Variants in CDC5L observed in about 807,000 individuals in gnomAD.
CDC5L encodes cell division cycle 5-like protein.
CDC5L carries 18 observed loss-of-function variants against 104.1 expected under a neutral mutation model. The ratio of observed to expected loss-of-function variants is 0.17; its 90% CI spans 0.12 to 0.26. The LOEUF (loss-of-function observed/expected upper bound fraction) is 0.26. Among genes scored for constraint, CDC5L ranks in the 10% least tolerant of loss-of-function variants. The pLI is 1.00. For synonymous variants in CDC5L, 331 were observed against 322.7 expected (o/e 1.03, Z -0.28); for missense variants, 673 against 956.9 (o/e 0.70, Z 3.91).
chr6:44,393,335 C>A, intron 3 of CDC5L, 111 bp from the exon 4 acceptor site: 2 of 920,058 alleles, frequency 2.2e-6, no homozygotes, highest in Non-Finnish European at 3.3e-6. Context: ...GTTGTTAAAG[C>A]CCATCCATTG....
At chr6:44,424,098 AT>A (rs1318160088) in intron 10 of CDC5L, among the ~76,000 whole-genome samples, 5 of 151,666 alleles carry the variant, frequency 3.3e-5, no homozygotes, top group Admixed American at 6.6e-5. Context: ...TATTAGGCTG[AT>A]TTTTTTTGAG....
intron 5 of CDC5L, among the ~76,000 whole-genome samples, chr6:44,400,384 G>C (rs759315399): frequency 6.6e-6 from 1 of 152,086 alleles, no homozygotes; most frequent in Admixed American, 6.5e-5. Context: ...TTGATGACTG[G>C]TTTATTTTAT....
Position 44,441,750 on chromosome 6 carries a change from G to C in CDC5L, c.2092-3905G>C, listed in dbSNP as rs367956023. 5.3e-5 allele frequency among the ~76,000 whole-genome samples: 8 copies of C among 152,042 alleles called. No homozygotes were observed. In the East Asian group the frequency reaches 9.7e-4, roughly 18 times the overall value. On this transcript the variant is annotated intron_variant, in intron 14 of 15. Transcript: ENST00000371477. ...TTTTTCATGTACCTGTTGACCACTT[G>C]TATGTCGTCTTTTGAGAAATGTCTA...
intron 4 of CDC5L, among the ~76,000 whole-genome samples, chr6:44,396,056 A>G (rs1790855220): frequency 1.3e-5 from 2 of 152,196 alleles, no homozygotes; most frequent in South Asian, 4.1e-4. Context: ...GCCCTTCTCA[A>G]AATCCTTGTG....
chr6:44,399,011 G>GCTTT (rs1462379813), intron 5 of CDC5L, among the ~76,000 whole-genome samples: 2 of 152,144 alleles, frequency 1.3e-5, no homozygotes, highest in Non-Finnish European at 2.9e-5. Context: ...TGTTGCCTAG[G>GCTTT]CTTTAGTGCA....
chr6:44,415,943 C>T (rs1791887726), intron 8 of CDC5L, among the ~76,000 whole-genome samples: 1 of 152,166 alleles, frequency 6.6e-6, no homozygotes, highest in East Asian at 1.9e-4. Context: ...TTAGTCTAGT[C>T]TGTGACATAT....
At chr6:44,414,653 A>G (rs1455062439) in intron 8 of CDC5L, among the ~76,000 whole-genome samples, 1 of 152,034 alleles carries the variant, frequency 6.6e-6, no homozygotes, top group Non-Finnish European at 1.5e-5. Context: ...TTATAATTGT[A>G]AGAGTTCTTT....
intron 13 of CDC5L, among the ~76,000 whole-genome samples, chr6:44,426,968 G>GT (rs2153381856): frequency 6.6e-6 from 1 of 152,224 alleles, no homozygotes; most frequent in African/African-American, 2.4e-5. Context: ...TGGTTCATGG[G>GT]TATTAATGGC....
At chr6:44,435,122 T>C (rs1356630031) in intron 14 of CDC5L, among the ~76,000 whole-genome samples, 6 of 149,642 alleles carry the variant, frequency 4.0e-5, no homozygotes, top group Non-Finnish European at 8.9e-5. Flanking sequence ...TTTTTTTTTT[T>C]TTTAAATGTT....
intron 14 of CDC5L, among the ~76,000 whole-genome samples, chr6:44,438,884 C>T (rs1169146081): frequency 6.6e-6 from 1 of 151,616 alleles, no homozygotes; most frequent in Non-Finnish European, 1.5e-5. Flanking sequence ...AAATTACATA[C>T]CATAAAGTTA....
At chr6:44,443,172 T>C (rs1793289357) in intron 14 of CDC5L, among the ~76,000 whole-genome samples, 2 of 151,732 alleles carry the variant, frequency 1.3e-5, no homozygotes, top group African/African-American at 4.8e-5. Flanking sequence ...TATTTTTAAA[T>C]ATATCATCCC....
intron 11 of CDC5L, 90 bp downstream of exon 11, chr6:44,424,673 C>G (rs1253043686): frequency 4.1e-6 from 5 of 1,224,058 alleles, no homozygotes; most frequent in Non-Finnish European, 5.9e-6. Context: ...GTCCCAAGAT[C>G]TCTACCTAGT....
intron 8 of CDC5L, among the ~76,000 whole-genome samples, chr6:44,418,359 G>A (rs1356593469): frequency 1.3e-5 from 2 of 152,148 alleles, no homozygotes; most frequent in African/African-American, 2.4e-5. Context: ...GTATTCCATG[G>A]TGTATATGTG....
intron 9 of CDC5L, among the ~76,000 whole-genome samples, chr6:44,422,031 A>G (rs1489150015): frequency 6.6e-6 from 1 of 152,084 alleles, no homozygotes; most frequent in Non-Finnish European, 1.5e-5. Context: ...GCAACCAGGA[A>G]AAAAAAAGAC....
At chr6:44,418,845 G>GT (rs11375216) in intron 8 of CDC5L, among the ~76,000 whole-genome samples, 92,071 of 136,296 alleles carry the variant, frequency 0.68, 32,858 homozygotes, top group Non-Finnish European at 0.83. Context: ...GTGGTTGTTT[G>GT]TTTTTTTTTT....
chr6:44,407,928 C>T (rs764853961), intron 7 of CDC5L, among the ~76,000 whole-genome samples: 12 of 152,072 alleles, frequency 7.9e-5, no homozygotes, highest in Non-Finnish European at 1.3e-4. Flanking sequence ...TCTTGTGGCT[C>T]GCTGGACCCT....
Position 44,448,398 on chromosome 6 carries a change from A to T in CDC5L, c.*1687A>T, listed in dbSNP as rs1440225038. The T allele has an allele frequency of 6.6e-6, 1 of 152,212 alleles. No homozygotes were observed. Among genetic ancestry groups the T allele is most frequent in the African/African-American group, 2.4e-5 (1 of 41,460 alleles). 9.4% of individuals were successfully genotyped at this position (152,212 alleles called of 1,614,324 possible). On this transcript the variant is annotated 3_prime_UTR_variant, in exon 16 of 16. Transcript: ENST00000371477. Reference sequence around the variant, plus strand: ...TGACATGATCAGATTTGGTTTTAGAAACATCACTATCTCCTTAGTGTGTAA... The same window carrying T: ...TGACATGATCAGATTTGGTTTTAGATACATCACTATCTCCTTAGTGTGTAA...
chr6:44,426,917 T>C (rs916366268), intron 13 of CDC5L, among the ~76,000 whole-genome samples, 193 bp downstream of exon 13: 1 of 152,218 alleles, frequency 6.6e-6, no homozygotes, highest in Non-Finnish European at 1.5e-5. Flanking sequence ...CCGTGTTCAG[T>C]GTGATAGACC....
At chr6:44,410,267 T>G (rs1261270418) in intron 8 of CDC5L, among the ~76,000 whole-genome samples, 1 of 152,192 alleles carries the variant, frequency 6.6e-6, no homozygotes, top group Non-Finnish European at 1.5e-5. Context: ...TTACTCTTTT[T>G]CTGTGAGTTT....
Sources: gnomAD v4.1 joint callset for allele counts (sites outside exome capture counted in the v4.1 genomes callset) on GRCh38, gnomAD v4.1.1 for gene constraint, MANE v1.5 for transcripts, NCBI Gene and HGNC (gene_info 2026-07-23, HGNC 2026-07-21) for gene names.